The following METTL25 variants were observed in gnomAD, a reference collection of about 807,000 sequenced individuals.
METTL25 encodes probable methyltransferase-like protein 25.
In METTL25, 64 loss-of-function variants were observed where a neutral mutation model predicts 71.6. The observed-to-expected ratio is 0.89, with a 90% CI of 0.73 to 1.10. The LOEUF (loss-of-function observed/expected upper bound fraction) is 1.10, where lower values mean the gene tolerates loss of function less well. Ranked by LOEUF, METTL25 falls within the 50% of genes least tolerant of loss-of-function variation. METTL25 has a pLI of 0.00. For missense variants in METTL25, 807 were observed against 707.0 expected (o/e 1.14, Z -1.60); for synonymous variants, 287 against 250.3 (o/e 1.15, Z -1.38).
At chr12:82,456,676 T>C in intron 8 of METTL25, 51 bp from the exon 9 acceptor site, 1 of 992,516 alleles carries the variant, frequency 1.0e-6, no homozygotes, top group Non-Finnish European at 1.5e-6. Context: ...ATTAAAACCA[T>C]CTAAAATTTA....
chr12:82,464,682 A>G (rs1399532066), intron 9 of METTL25, among the ~76,000 whole-genome samples: 3 of 151,874 alleles, frequency 2.0e-5, no homozygotes, highest in Non-Finnish European at 4.4e-5. Context: ...GATTGCATTG[A>G]ACCTGTACAT....
intron 9 of METTL25, among the ~76,000 whole-genome samples, chr12:82,473,428 G>T (rs1215618473): frequency 2.0e-5 from 3 of 152,136 alleles, no homozygotes; most frequent in Non-Finnish European, 4.4e-5. Context: ...TCAAGCCTGG[G>T]ATGTAGGCAC....
intron 3 of METTL25, among the ~76,000 whole-genome samples, chr12:82,394,416 A>G (rs181412594): frequency 3.3e-5 from 5 of 152,196 alleles, no homozygotes; most frequent in Admixed American, 2.6e-4. Flanking sequence ...AAACAAGAAT[A>G]TCATTTTTAC....
At chr12:82,433,225 AC>A (rs1240994074) in intron 6 of METTL25, among the ~76,000 whole-genome samples, 1 of 151,650 alleles carries the variant, frequency 6.6e-6, no homozygotes, top group African/African-American at 2.4e-5. Context: ...TTTTATGGAC[AC>A]CAAATCGCCT....
chr12:82,478,012 A>T (rs1331102903), intron 11 of METTL25, among the ~76,000 whole-genome samples: 6 of 151,780 alleles, frequency 4.0e-5, no homozygotes, highest in African/African-American at 1.2e-4. Context: ...TATTTTCCTA[A>T]TTGGAACAAA....
At chr12:82,478,871 T>A in intron 11 of METTL25, 61 bp from the exon 12 acceptor site, 1 of 1,274,822 alleles carries the variant, frequency 7.8e-7, no homozygotes, top group South Asian at 1.2e-5. Context: ...ATAATCCAAC[T>A]CGCGTCTAAT....
chr12:82,473,218 T>C (rs759200678), intron 9 of METTL25, among the ~76,000 whole-genome samples: 1 of 152,112 alleles, frequency 6.6e-6, no homozygotes, highest in East Asian at 1.9e-4. Flanking sequence ...ATATCATGGG[T>C]CAGCCAGCTT....
chr12:82,406,497 A>AGTT (rs1887104216), intron 5 of METTL25, among the ~76,000 whole-genome samples: 1 of 152,116 alleles, frequency 6.6e-6, no homozygotes, highest in Non-Finnish European at 1.5e-5. Flanking sequence ...AGCACAGAGA[A>AGTT]CGTTGCTTTA....
intron 3 of METTL25, among the ~76,000 whole-genome samples, chr12:82,397,532 A>G (rs960760153): frequency 1.3e-5 from 2 of 151,546 alleles, no homozygotes; most frequent in Non-Finnish European, 2.9e-5. Flanking sequence ...AAATGTCACA[A>G]TTTTTCTCCT....
Position 82,415,987 on chromosome 12 carries a change from C to A in METTL25, c.1279+12857C>A, listed in dbSNP as rs186685329. 2.7e-3 allele frequency among the ~76,000 whole-genome samples: 405 copies of A among 152,208 alleles called. 5 individuals carry two copies. The highest frequency in any genetic ancestry group is 0.023 in the Admixed American group (354 of 15,260). On this transcript the variant is annotated intron_variant, in intron 5 of 11. Transcript: ENST00000248306. ...CATTACCATTTTACTATTACCAACTCTCTCCGTTTGTATTTTCTGGGAAAC... is the reference window on the plus strand; with the variant it reads ...CATTACCATTTTACTATTACCAACTATCTCCGTTTGTATTTTCTGGGAAAC...
At chr12:82,457,661 T>C (rs1592755974) in intron 9 of METTL25, among the ~76,000 whole-genome samples, 1 of 152,038 alleles carries the variant, frequency 6.6e-6, no homozygotes, top group Non-Finnish European at 1.5e-5. Flanking sequence ...TTAGGTAATA[T>C]ACATAAAGCT....
At chr12:82,443,538 G>A (rs575051127) in intron 8 of METTL25, among the ~76,000 whole-genome samples, 20 of 151,830 alleles carry the variant, frequency 1.3e-4, no homozygotes, top group Non-Finnish European at 2.4e-4. Context: ...TTTAAGTCAT[G>A]GCATTAGTCC....
intron 5 of METTL25, among the ~76,000 whole-genome samples, chr12:82,423,463 A>C (rs1256556656): frequency 1.3e-5 from 2 of 152,228 alleles, no homozygotes; most frequent in African/African-American, 4.8e-5. Context: ...AGGCAATACC[A>C]TTCAGGACAT....
chr12:82,460,742 G>A (rs755304179), intron 9 of METTL25, among the ~76,000 whole-genome samples: 2 of 152,282 alleles, frequency 1.3e-5, no homozygotes, highest in South Asian at 2.1e-4. Context: ...TTCCCTGGAT[G>A]GGATTCTAGA....
chr12:82,466,199 T>A (rs970183756), intron 9 of METTL25, among the ~76,000 whole-genome samples: 6 of 151,896 alleles, frequency 4.0e-5, no homozygotes, highest in Non-Finnish European at 8.8e-5. Flanking sequence ...TTTGAAATCT[T>A]TCTAGATTTT....
At chr12:82,379,534 A>G (rs1884219981) in intron 1 of METTL25, among the ~76,000 whole-genome samples, 1 of 151,902 alleles carries the variant, frequency 6.6e-6, no homozygotes, top group South Asian at 2.1e-4. Context: ...GTTTTTTGTT[A>G]TTTTTTGAAA....
intron 8 of METTL25, among the ~76,000 whole-genome samples, chr12:82,444,091 C>T (rs1282367849): frequency 6.6e-6 from 1 of 152,132 alleles, no homozygotes; most frequent in Non-Finnish European, 1.5e-5. Flanking sequence ...AAGTTAAAGA[C>T]TTTTGCACTC....
In METTL25 at chr12:82,378,352, C is replaced by T. The variant is rs114594777; in HGVS notation, c.260-8451C>T. On this transcript the variant is annotated intron_variant, in intron 1 of 11. Transcript: ENST00000248306. ...TGACCTAACTTTTATGAACTATACA[C>T]ATCATTACAAAAACTAAGGAAGTAG... Among the ~76,000 whole-genome samples the T allele has an allele frequency of 9.9e-3, 1,507 of 152,264 alleles. 24 individuals carry two copies. The highest frequency in any genetic ancestry group is 0.034 in the African/African-American group (1,421 of 41,550).
chr12:82,429,962 CTT>C, intron 5 of METTL25, among the ~76,000 whole-genome samples: 1 of 151,464 alleles, frequency 6.6e-6, no homozygotes, highest in Non-Finnish European at 1.5e-5. Context: ...AACTTGTTCT[CTT>C]TTAATCAAAA....
Sources: gnomAD v4.1 joint callset for allele counts (sites outside exome capture counted in the v4.1 genomes callset) on GRCh38, gnomAD v4.1.1 for gene constraint, MANE v1.5 for transcripts, NCBI Gene and HGNC (gene_info 2026-07-23, HGNC 2026-07-21) for gene names.